CTNNA2: variants seen among roughly 807,000 people sequenced by gnomAD.
CTNNA2 encodes catenin alpha-2.
A neutral mutation model predicts 101.0 loss-of-function variants in CTNNA2; 42 were observed. The observed-to-expected ratio is 0.42, with a 90% CI of 0.32 to 0.54. The LOEUF is 0.54. CTNNA2 is among the 20% of genes least tolerant of loss of function. CTNNA2 has a pLI of 0.14. For synonymous variants in CTNNA2, 450 were observed against 456.4 expected, an observed-to-expected ratio of 0.99 and a Z score of 0.18; for missense variants, 871 against 1,223.1, an observed-to-expected ratio of 0.71 and a Z score of 4.29.
At chr2:79,875,585 A>C (rs1431760996) in intron 6 of CTNNA2, among the ~76,000 whole-genome samples, 1 of 152,188 alleles carries the variant, frequency 6.6e-6, no homozygotes, top group East Asian at 1.9e-4. Flanking sequence ...ATGATTGTTC[A>C]AGGCTTGGAG....
At chr2:79,360,085 C>T (rs1450162908) in intron 3 of CTNNA2, among the ~76,000 whole-genome samples, 8 of 152,138 alleles carry the variant, frequency 5.3e-5, no homozygotes, top group African/African-American at 1.9e-4. Flanking sequence ...TTAAGAGAGT[C>T]AAGGGTCCTG....
chr2:79,358,835 T>G (rs1677565098), intron 3 of CTNNA2, among the ~76,000 whole-genome samples: 1 of 152,320 alleles, frequency 6.6e-6, no homozygotes, highest in Non-Finnish European at 1.5e-5. Flanking sequence ...AGCCAGGAAC[T>G]TACTCAAGTT....
chr2:79,468,881 T>A (rs1482868783), intron 4 of CTNNA2, among the ~76,000 whole-genome samples: 1 of 152,150 alleles, frequency 6.6e-6, no homozygotes, highest in African/African-American at 2.4e-5. Context: ...TTGAAAGCAG[T>A]GTGTAGAGGG....
At chr2:79,193,777 T>A (rs1673922323) in intron 1 of CTNNA2, among the ~76,000 whole-genome samples, 1 of 152,206 alleles carries the variant, frequency 6.6e-6, no homozygotes, top group Admixed American at 6.5e-5. Flanking sequence ...GTAAACATCT[T>A]TGTCTCCATT....
intron 12 of CTNNA2, among the ~76,000 whole-genome samples, chr2:80,563,938 T>C (rs1226410586): frequency 6.6e-6 from 1 of 152,186 alleles, no homozygotes; most frequent in African/African-American, 2.4e-5. Context: ...GAGGCATGTG[T>C]GTATGTATTG....
chr2:79,626,213 A>G (rs1004949378), intron 1 of CTNNA2, among the ~76,000 whole-genome samples: 5 of 152,154 alleles, frequency 3.3e-5, no homozygotes, highest in Non-Finnish European at 7.3e-5. Flanking sequence ...GGTGGTCCTG[A>G]TATCAACTGT....
intron 7 of CTNNA2, among the ~76,000 whole-genome samples, chr2:80,000,783 C>T (rs1421294268): frequency 6.6e-6 from 1 of 152,196 alleles, no homozygotes; most frequent in Non-Finnish European, 1.5e-5. Flanking sequence ...TGCTGTGCTG[C>T]ATTCCTGCCT....
chr2:79,520,876 G>C (rs541482763), intron 1 of CTNNA2, among the ~76,000 whole-genome samples: 1 of 151,838 alleles, frequency 6.6e-6, no homozygotes, highest in Non-Finnish European at 1.5e-5. Flanking sequence ...CATTGCTGGT[G>C]GGAATGTAAT....
intron 3 of CTNNA2, among the ~76,000 whole-genome samples, chr2:79,340,616 G>T (rs926645569): frequency 6.6e-6 from 1 of 151,944 alleles, no homozygotes; most frequent in African/African-American, 2.4e-5. Flanking sequence ...GGCGGATCAC[G>T]AGGTCAGGAG....
At chr2:79,769,278 A>G (rs1673402823) in intron 3 of CTNNA2, among the ~76,000 whole-genome samples, 1 of 152,144 alleles carries the variant, frequency 6.6e-6, no homozygotes, top group South Asian at 2.1e-4. Context: ...CTCTGTTAGC[A>G]GGTTGAGGGC....
Position 79,838,147 on chromosome 2 carries a change from G to A in CTNNA2, c.299-19866G>A, listed in dbSNP as rs942527568. Among the ~76,000 whole-genome samples, 4 of 152,074 alleles carry A rather than the reference G, an allele frequency of 2.6e-5. No individual in the cohort carries two copies. The East Asian group carries it at 7.7e-4, about 29-fold the overall frequency. On this transcript the variant is annotated intron_variant, in intron 3 of 18. Coordinates refer to ENST00000402739, the MANE Select transcript of CTNNA2 (RefSeq NM_001282597.3). ...TTTTAAAAGATTGGAAAATAATAAA[G>A]TGAACCAAATATTAAAATTATACTC... is the stretch of plus-strand genomic sequence containing the variant.
At chr2:80,407,481 T>C (rs1024047908) in intron 8 of CTNNA2, among the ~76,000 whole-genome samples, 1 of 152,204 alleles carries the variant, frequency 6.6e-6, no homozygotes, top group East Asian at 1.9e-4. Context: ...GATTATGTAA[T>C]GTTGTATTGA....
At chr2:79,265,879 G>C (rs1313924750) in intron 2 of CTNNA2, among the ~76,000 whole-genome samples, 1 of 152,146 alleles carries the variant, frequency 6.6e-6, no homozygotes, top group Non-Finnish European at 1.5e-5. Context: ...TGCATGTATA[G>C]TTAGTGGGAG....
intron 2 of CTNNA2, among the ~76,000 whole-genome samples, chr2:79,267,204 G>A (rs1018000878): frequency 1.2e-4 from 18 of 152,002 alleles, no homozygotes; most frequent in African/African-American, 4.3e-4. Flanking sequence ...AGAAGTCTAA[G>A]GAAAAGACTT....
At chr2:80,560,858 C>T (rs143774473) in intron 12 of CTNNA2, among the ~76,000 whole-genome samples, 35 of 152,204 alleles carry the variant, frequency 2.3e-4, no homozygotes, top group African/African-American at 7.9e-4. Flanking sequence ...CTATAGGTAC[C>T]CACAGCCTAG....
intron 3 of CTNNA2, among the ~76,000 whole-genome samples, chr2:79,331,239 C>T (rs958697118): frequency 6.6e-6 from 1 of 152,082 alleles, no homozygotes; most frequent in African/African-American, 2.4e-5. Context: ...CTCTTGGATC[C>T]CACTTACCTA....
intron 4 of CTNNA2, among the ~76,000 whole-genome samples, chr2:79,477,168 C>CTTTTTTTTTTTTTTTTTTTTTTTTT (rs5832392): frequency 8.1e-6 from 1 of 123,148 alleles, no homozygotes; most frequent in Admixed American, 8.2e-5. Flanking sequence ...TCTTTTTTTT[C>CTTTTTTTTTTTTTTTTTTTTTTTTT]TTTTTTTTTT....
At chr2:79,913,389 G>A (rs1685949055) in intron 7 of CTNNA2, among the ~76,000 whole-genome samples, 1 of 152,200 alleles carries the variant, frequency 6.6e-6, no homozygotes, top group South Asian at 2.1e-4. Flanking sequence ...AGCAGCTATT[G>A]TGAGTAGAGG....
rs558170024 is a variant in CTNNA2, at chr2:80,079,675, G to T, written c.1056+169878G>T. ...AAAAATACAAAAAAATTAGCCGGGC[G>T]TGGTGGCGGGCGCCTGTAGTCACAG... is the stretch of plus-strand genomic sequence containing the variant. On this transcript the variant is annotated intron_variant, in intron 7 of 18. Transcript: ENST00000402739. Among the ~76,000 whole-genome samples, 3 of 151,892 alleles carry T rather than the reference G, an allele frequency of 2.0e-5. No homozygotes were observed. The East Asian group carries it at 5.8e-4, about 30-fold the overall frequency.
Sources: gnomAD v4.1 joint callset for allele counts (sites outside exome capture counted in the v4.1 genomes callset) on GRCh38, gnomAD v4.1.1 for gene constraint, MANE v1.5 for transcripts, NCBI Gene and HGNC (gene_info 2026-07-23, HGNC 2026-07-21) for gene names.